Variants in DCDC2B observed in about 807,000 individuals in gnomAD.
DCDC2B encodes the protein doublecortin domain containing 2B.
In DCDC2B, 41 loss-of-function variants were observed where a neutral mutation model predicts 38.9. That is an observed-to-expected ratio of 1.05 (90% confidence interval 0.82 to 1.37). DCDC2B has a LOEUF of 1.37. DCDC2B is among the 40% of genes most tolerant of loss of function. The pLI is 0.00. For missense variants in DCDC2B, 453 were observed against 427.2 expected, an observed-to-expected ratio of 1.06 and a Z score of -0.53; for synonymous variants, 181 against 171.9, an observed-to-expected ratio of 1.05 and a Z score of -0.41.
At position 32,211,798 on chromosome 1, in the gene DCDC2B, T is replaced by C. The variant is rs368080232; in HGVS notation, c.356T>C (p.Ile119Thr). ...PVTRHLCDGA[I>T]GRQLPAGAPS... ...ACTCGCCACTTGTGTGATGGGGCCATTGGACGGCAGCTGCCTGCAGGTGCT... is the reference window on the plus strand; with the variant it reads ...ACTCGCCACTTGTGTGATGGGGCCACTGGACGGCAGCTGCCTGCAGGTGCT... Residue 119 changes from isoleucine (I) to threonine (T), a missense_variant, in exon 3 of 9, where the codon ATT becomes ACT. Physicochemically the swap from Ile to Thr is moderately conservative, Grantham distance 89. Coordinates refer to ENST00000409358, the MANE Select transcript of DCDC2B (RefSeq NM_001099434.2). 1.3e-5 allele frequency: 21 copies of C among 1,611,108 alleles called. No homozygotes were observed. Among genetic ancestry groups the C allele is most frequent in the Non-Finnish European group, 1.4e-5 (17 of 1,178,788 alleles).
rs769738255 is a variant in DCDC2B at position 32,212,526 on chromosome 1, G to A, written c.564G>A (p.Gly188=). The A allele has an allele frequency of 1.2e-6, 2 of 1,614,054 alleles. No homozygotes were observed. Among genetic ancestry groups the A allele is most frequent in the Non-Finnish European group, 1.7e-6 (2 of 1,179,898 alleles). Residue 188 remains glycine (G), a synonymous_variant, in exon 5 of 9, where the codon GGG becomes GGA. Transcript: ENST00000409358. ...TAGAGGGGCTCCCACTGTCAGCAGGGAAGGAGCTGGTAACTGGCCATTACT... is the reference window on the plus strand; with the variant it reads ...TAGAGGGGCTCCCACTGTCAGCAGGAAAGGAGCTGGTAACTGGCCATTACT... ...CTLEGLPLSA[G]KELVTGHYYV...
At chr1:32,215,103 C>T in intron 7 of DCDC2B, 171 bp downstream of exon 7, 1 of 937,138 alleles carries the variant, frequency 1.1e-6, no homozygotes, top group Non-Finnish European at 1.5e-6. Context: ...GCTCAGGAGA[C>T]TGCCCGTAAA....
chr1:32,215,223 A>C (rs1321035588), intron 7 of DCDC2B: 1 of 569,570 alleles, frequency 1.8e-6, no homozygotes, highest in African/African-American at 1.9e-5. Context: ...GCACCTGGAA[A>C]GGGCAGTGCT....
intron 6 of DCDC2B, among the ~76,000 whole-genome samples, chr1:32,214,010 G>GTC (rs1162542699): frequency 1.3e-4 from 19 of 151,820 alleles, no homozygotes; most frequent in Non-Finnish European, 2.5e-4. Flanking sequence ...GGAAACTGAA[G>GTC]CTGAAAAGTG....
chr1:32,215,558 C>G lies in DCDC2B; in HGVS notation c.954+15C>G, dbSNP rs573967968. The G allele has an allele frequency of 3.2e-4, 519 of 1,609,954 alleles. 12 individuals are homozygous for G. In the South Asian group the frequency reaches 5.4e-3, roughly 17 times the overall value. On this transcript the variant is annotated intron_variant, in intron 8 of 8. Transcript: ENST00000409358. ...CCTTGGATCAGGTAAGCTGTTGGAT[C>G]AGGAAACAGTATGTTGGGGTGGGAG...
chr1:32,213,311 A>G (rs1273573249), intron 6 of DCDC2B, among the ~76,000 whole-genome samples: 1 of 149,938 alleles, frequency 6.7e-6, no homozygotes, highest in East Asian at 2.0e-4. Flanking sequence ...TGATTACACT[A>G]TGCCCAGCCT....
rs932268470 is a variant in DCDC2B, at chr1:32,215,859, G to A, written c.1012G>A (p.Ala338Thr). ...CCTGGAAAACCAGCCTGGGGCTGGGGCTGCTATCTCAGCCTCAGCCCCAGC... is the reference window on the plus strand; with the variant it reads ...CCTGGAAAACCAGCCTGGGGCTGGGACTGCTATCTCAGCCTCAGCCCCAGC... ...LSLENQPGAG[A>T]AISASAPALP... is the part of the protein sequence containing the mutation. The change falls in exon 9 of 9, where the codon GCT becomes ACT. Residue 338 changes from alanine (A) to threonine (T), a missense_variant. By Grantham distance (58) the Ala-to-Thr change is moderately conservative (BLOSUM62 0). Coordinates refer to ENST00000409358, the MANE Select transcript of DCDC2B (RefSeq NM_001099434.2). 6.4e-7 allele frequency: 1 copy of A among 1,552,880 alleles called. No homozygotes were observed.
At position 32,209,374 on chromosome 1, in the gene DCDC2B, G is replaced by A. The variant is rs1643487485; in HGVS notation, c.266+15G>A. The A allele has an allele frequency of 6.2e-7, 1 of 1,612,514 alleles. No individual in the cohort carries two copies. The highest frequency in any genetic ancestry group is 1.7e-4 in the Middle Eastern group (1 of 6,058). On this transcript the variant is annotated intron_variant, in intron 1 of 8. Coordinates refer to ENST00000409358, the MANE Select transcript of DCDC2B (RefSeq NM_001099434.2). ...CACAAGCTCCAGTGAGTGGGCTGGGGCTGGTCAAACAGCCTAGCAAGGGAG... is the reference window on the plus strand; with the variant it reads ...CACAAGCTCCAGTGAGTGGGCTGGGACTGGTCAAACAGCCTAGCAAGGGAG...
At chr1:32,214,509 C>T (rs1643718234) in intron 6 of DCDC2B, 2 of 413,066 alleles carry the variant, frequency 4.8e-6, no homozygotes, top group Non-Finnish European at 8.9e-6. Flanking sequence ...AGCTCTAAGC[C>T]CTCCCAAGAA....
chr1:32,212,175 C>T lies in DCDC2B; in HGVS notation c.501C>T (p.Val167=), dbSNP rs745633352. The T allele has an allele frequency of 6.2e-7, 1 of 1,613,596 alleles. No individual in the cohort carries two copies. Among genetic ancestry groups the T allele is most frequent in the Non-Finnish European group, 8.5e-7 (1 of 1,179,852 alleles). The stretch of plus-strand genomic sequence containing the variant: ...TGTTGAAGCTCCTGACTGAGAAGGT[C>T]AAGTTGCAGAGTGGGGCTGTGTGCA... ...ETVLKLLTEK[V]KLQSGAVCKL... Residue 167 remains valine, a synonymous_variant, in exon 4 of 9, where the codon GTC becomes GTT. Coordinates refer to ENST00000409358, the MANE Select transcript of DCDC2B (RefSeq NM_001099434.2).
chr1:32,212,768 C>CT lies in DCDC2B; in HGVS notation c.689_690insT (p.Lys231GlufsTer3). ...TGTCATTGTAGGCAACCTCCAGGCT[C>CT]GAAGTCTAGGCCCCACAGGCAGGGG... On this transcript the variant is annotated frameshift_variant, in exon 6 of 9. Transcript: ENST00000409358. LOFTEE classifies it high-confidence loss of function. 6.2e-7 allele frequency: 1 copy of CT among 1,613,836 alleles called. No individual in the cohort carries two copies. The highest frequency in any genetic ancestry group is 8.5e-7 in the Non-Finnish European group (1 of 1,179,866).
intron 6 of DCDC2B, 67 bp from the exon 7 acceptor site, chr1:32,214,730 G>C: frequency 6.3e-7 from 1 of 1,599,534 alleles, no homozygotes; most frequent in Non-Finnish European, 8.5e-7. Flanking sequence ...TCTGAAGCCT[G>C]AACTGGGGAG....
intron 5 of DCDC2B, 39 bp downstream of exon 5, chr1:32,212,675 G>A (rs1292546241): frequency 6.2e-7 from 1 of 1,613,072 alleles, no homozygotes; most frequent in East Asian, 2.2e-5. Flanking sequence ...AGGCCGGGCA[G>A]AGGAAGCCAC....
Position 32,216,019 on chromosome 1 carries a change from C to A in DCDC2B, c.*122C>A. 1.2e-6 allele frequency: 1 copy of A among 832,334 alleles called. No homozygotes were observed. The highest frequency in any genetic ancestry group is 1.9e-6 in the Non-Finnish European group (1 of 517,774). 51.6% of individuals were successfully genotyped at this position (832,334 alleles called of 1,614,324 possible). On this transcript the variant is annotated 3_prime_UTR_variant, in exon 9 of 9. Transcript: ENST00000409358. The stretch of plus-strand genomic sequence containing the variant: ...CTGGGCTCACAGGGTACACTGCGGC[C>A]TCCTCAGCCCTCCCCGTTCTCCTGC...
At chr1:32,212,443 A>C (rs771036435) in intron 4 of DCDC2B, 47 bp from the exon 5 acceptor site, 52 of 1,603,646 alleles carry the variant, frequency 3.2e-5, no homozygotes, top group South Asian at 9.9e-5. Context: ...GAATGTGAAG[A>C]AGCATCGAGT....
chr1:32,215,463 C>T lies in DCDC2B; in HGVS notation c.874C>T (p.Pro292Ser), dbSNP rs375054940. 5.2e-5 allele frequency: 84 copies of T among 1,613,034 alleles called. No individual in the cohort carries two copies. Among genetic ancestry groups the T allele is most frequent in the Non-Finnish European group, 7.1e-5 (84 of 1,179,714 alleles). The change falls in exon 8 of 9, where the codon CCC becomes TCC. Residue 292 changes from proline to serine, a missense_variant. Coordinates refer to ENST00000409358, the MANE Select transcript of DCDC2B (RefSeq NM_001099434.2). ...PSGVIGVYGA[P>S]HRRKETAGAL... is the part of the protein sequence containing the mutation. ...AGGAGTTATAGGAGTATATGGAGCT[C>T]CCCACCGAAGGAAGGAGACAGCGGG...
In DCDC2B at chr1:32,211,174, A is replaced by G. The variant is rs781225463; in HGVS notation, c.267-98A>G. 68 of 1,080,162 alleles carry G rather than the reference A, an allele frequency of 6.3e-5. 1 individual carries two copies. The highest frequency in any genetic ancestry group is 9.5e-5 in the Non-Finnish European group (68 of 714,296). The allele number at this position is 1,080,162 out of a possible 1,614,324, so 66.9% of individuals were successfully genotyped here. ...GATTGCCACTATTCCATGGGGAGGG[A>G]TATCTGGTGAGCTGCGCCCCAACCC... On this transcript the variant is annotated intron_variant, in intron 1 of 8. Coordinates refer to ENST00000409358, the MANE Select transcript of DCDC2B (RefSeq NM_001099434.2).
chr1:32,213,678 T>C (rs1247469827), intron 6 of DCDC2B, among the ~76,000 whole-genome samples: 1 of 151,714 alleles, frequency 6.6e-6, no homozygotes, highest in Non-Finnish European at 1.5e-5. Flanking sequence ...CCGGTTAATT[T>C]TTTTTGTATT....
At chr1:32,214,631 TG>T in intron 6 of DCDC2B, 165 bp from the exon 7 acceptor site, 1 of 933,298 alleles carries the variant, frequency 1.1e-6, no homozygotes, top group Non-Finnish European at 1.6e-6. Flanking sequence ...TAAGTCAGGC[TG>T]GTGGGAAGAG....
Sources: gnomAD v4.1 joint callset for allele counts (sites outside exome capture counted in the v4.1 genomes callset) on GRCh38, gnomAD v4.1.1 for gene constraint, MANE v1.5 for transcripts, NCBI Gene and HGNC (gene_info 2026-07-23, HGNC 2026-07-21) for gene names.